CNTNAP2: variants seen among roughly 807,000 people sequenced by gnomAD.
CNTNAP2 encodes the protein contactin associated protein 2.
Under a neutral mutation model 155.2 loss-of-function variants are expected in CNTNAP2, and 98 were observed. That is an observed-to-expected ratio of 0.63 (90% confidence interval 0.54 to 0.75). The LOEUF (loss-of-function observed/expected upper bound fraction) is 0.75. CNTNAP2 is among the 30% of genes least tolerant of loss of function. CNTNAP2 has a pLI of 0.00. For synonymous variants in CNTNAP2, 651 were observed against 631.2 expected (o/e 1.03, Z -0.47); for missense variants, 1,727 against 1,688.1 (o/e 1.02, Z -0.40).
chr7:146,476,957 T>G (rs1369070412), intron 1 of CNTNAP2, among the ~76,000 whole-genome samples: 7 of 152,218 alleles, frequency 4.6e-5, no homozygotes, highest in Non-Finnish European at 7.3e-5. Context: ...TTATGGATAC[T>G]ATCTTAGCAA....
At chr7:148,072,004 A>G (rs1468289844) in intron 15 of CNTNAP2, among the ~76,000 whole-genome samples, 2 of 152,220 alleles carry the variant, frequency 1.3e-5, no homozygotes, top group African/African-American at 2.4e-5. Context: ...TGACTAGCGT[A>G]TTAGTTAATC....
intron 3 of CNTNAP2, among the ~76,000 whole-genome samples, chr7:146,883,204 T>C (rs963534205): frequency 1.3e-5 from 2 of 152,168 alleles, no homozygotes; most frequent in Non-Finnish European, 2.9e-5. Context: ...TTTTTCAAAA[T>C]TTTTATTTAT....
chr7:148,149,117 A>G (rs558639249), intron 17 of CNTNAP2, among the ~76,000 whole-genome samples: 3 of 152,190 alleles, frequency 2.0e-5, no homozygotes, highest in Non-Finnish European at 4.4e-5. Flanking sequence ...TCTGGTTTTC[A>G]TCATAACAGG....
chr7:148,119,715 T>C (rs1804559303), intron 16 of CNTNAP2, among the ~76,000 whole-genome samples: 1 of 152,202 alleles, frequency 6.6e-6, no homozygotes, highest in Non-Finnish European at 1.5e-5. Context: ...TCTCTTTGAA[T>C]CCTAATTTTC....
chr7:147,130,625 A>G (rs1329527781), intron 7 of CNTNAP2, among the ~76,000 whole-genome samples: 1 of 152,182 alleles, frequency 6.6e-6, no homozygotes, highest in Non-Finnish European at 1.5e-5. Context: ...GACAAATAGG[A>G]CATTTTGCAA....
chr7:146,859,678 T>G (rs1795060851), intron 3 of CNTNAP2, among the ~76,000 whole-genome samples: 1 of 151,696 alleles, frequency 6.6e-6, no homozygotes, highest in African/African-American at 2.4e-5. Context: ...AAAATATATA[T>G]AATCCTAACT....
At chr7:147,932,014 T>C (rs895008966) in intron 14 of CNTNAP2, among the ~76,000 whole-genome samples, 2 of 152,090 alleles carry the variant, frequency 1.3e-5, no homozygotes, top group Non-Finnish European at 2.9e-5. Context: ...GCCTCACAAG[T>C]AACTGGAACT....
chr7:146,424,575 T>A (rs1480168163), intron 1 of CNTNAP2, among the ~76,000 whole-genome samples: 4 of 151,782 alleles, frequency 2.6e-5, no homozygotes. Context: ...AGCCAGGTAT[T>A]CAGTATAAAT....
chr7:147,932,814 T>G (rs1411653723), intron 14 of CNTNAP2, among the ~76,000 whole-genome samples: 1 of 152,200 alleles, frequency 6.6e-6, no homozygotes, highest in African/African-American at 2.4e-5. Context: ...ACCACATATC[T>G]GATAAGGCAT....
chr7:147,947,454 C>CAAAAAAAA, intron 14 of CNTNAP2, among the ~76,000 whole-genome samples: 1 of 80,284 alleles, frequency 1.2e-5, no homozygotes, highest in Non-Finnish European at 2.4e-5. Flanking sequence ...CCTGTCTCTA[C>CAAAAAAAA]AAAAAAAAAA....
chr7:147,349,025 A>T (rs1051753616), intron 9 of CNTNAP2, among the ~76,000 whole-genome samples: 9 of 151,986 alleles, frequency 5.9e-5, no homozygotes, highest in Non-Finnish European at 1.2e-4. Context: ...TTGCTAAAGG[A>T]TACAAAACTA....
chr7:148,237,685 T>C lies in CNTNAP2; in HGVS notation c.3381+7906T>C, dbSNP rs117602903. ...ATATTGAATGCTGTAAAGTCAGTAG[T>C]CTGAGGCACATGCAGAGTGGTGTCA... On this transcript the variant is annotated intron_variant, in intron 20 of 23. Coordinates refer to ENST00000361727, the MANE Select transcript of CNTNAP2 (RefSeq NM_014141.6). 1.5e-3 allele frequency among the ~76,000 whole-genome samples: 224 copies of C among 150,510 alleles called. 1 individual carries two copies. Among genetic ancestry groups the C allele is most frequent in the Middle Eastern group, 3.4e-3 (1 of 292 alleles).
intron 11 of CNTNAP2, among the ~76,000 whole-genome samples, chr7:147,498,535 C>G (rs1919193): frequency 1.3e-5 from 2 of 152,014 alleles, no homozygotes; most frequent in Non-Finnish European, 2.9e-5. Context: ...AAAAATAATA[C>G]TACAGAATGA....
At chr7:147,481,315 C>T (rs1230038418) in intron 10 of CNTNAP2, among the ~76,000 whole-genome samples, 1 of 152,186 alleles carries the variant, frequency 6.6e-6, no homozygotes, top group Non-Finnish European at 1.5e-5. Context: ...CCATAAACTA[C>T]CAAGTAAGCT....
chr7:147,444,065 AAAAG>A (rs1797688692), intron 10 of CNTNAP2, among the ~76,000 whole-genome samples: 3 of 152,214 alleles, frequency 2.0e-5, no homozygotes, highest in Admixed American at 2.0e-4. Flanking sequence ...TCAGTCACTT[AAAAG>A]AACAGACACC....
At chr7:146,587,937 G>T (rs1798719950) in intron 1 of CNTNAP2, among the ~76,000 whole-genome samples, 1 of 151,948 alleles carries the variant, frequency 6.6e-6, no homozygotes, top group East Asian at 1.9e-4. Context: ...GCCTCCTAAA[G>T]TGCTGGGATT....
intron 1 of CNTNAP2, among the ~76,000 whole-genome samples, chr7:146,559,437 G>A (rs905435854): frequency 8.6e-5 from 13 of 151,710 alleles, no homozygotes; most frequent in African/African-American, 1.7e-4. Context: ...GTGTGTTGGC[G>A]TGTGGCTGTA....
chr7:146,834,574 C>T (rs1237836425), intron 2 of CNTNAP2, among the ~76,000 whole-genome samples: 2 of 152,138 alleles, frequency 1.3e-5, no homozygotes, highest in Non-Finnish European at 2.9e-5. Context: ...GAAGAAACAG[C>T]ATTCTTATTG....
At chr7:147,325,730 A>G (rs187828661) in intron 9 of CNTNAP2, among the ~76,000 whole-genome samples, 32 of 152,350 alleles carry the variant, frequency 2.1e-4, no homozygotes, top group African/African-American at 7.5e-4. Flanking sequence ...TAAACACATA[A>G]AGCATAAAAG....
Sources: allele counts gnomAD v4.1 joint callset (sites outside exome capture counted in the v4.1 genomes callset), GRCh38; gene constraint gnomAD v4.1.1; transcripts MANE v1.5; gene names NCBI Gene and HGNC (gene_info 2026-07-23, HGNC 2026-07-21).